Variants in FRMD4A observed in about 807,000 individuals in gnomAD.
FRMD4A encodes FERM domain-containing protein 4A.
A neutral mutation model predicts 129.1 loss-of-function variants in FRMD4A; 29 were observed. The ratio of observed to expected loss-of-function variants is 0.22; its 90% confidence interval spans 0.17 to 0.31. The LOEUF (loss-of-function observed/expected upper bound fraction) is 0.31. Ranked by LOEUF, FRMD4A falls within the 10% of genes least tolerant of loss-of-function variation. FRMD4A has a pLI of 1.00. For missense variants in FRMD4A, 1,272 were observed against 1,375.8 expected (o/e 0.92, Z 1.19); for synonymous variants, 634 against 571.6 (o/e 1.11, Z -1.56).
At chr10:13,989,391 C>G in intron 2 of FRMD4A, among the ~76,000 whole-genome samples, 2 of 152,230 alleles carry the variant, frequency 1.3e-5, no homozygotes, top group South Asian at 4.2e-4. Context: ...GCGCCTCGCT[C>G]TGTCGCCAGG....
chr10:14,313,561 G>T (rs1052340367), intron 2 of FRMD4A, among the ~76,000 whole-genome samples: 3 of 151,952 alleles, frequency 2.0e-5, no homozygotes, highest in Non-Finnish European at 4.4e-5. Context: ...AATGTTTTTT[G>T]TTTTTCTATT....
chr10:13,881,769 C>T lies in FRMD4A; in HGVS notation c.46-22857G>A, dbSNP rs368836210. Among the ~76,000 whole-genome samples, 23 of 151,938 alleles carry T rather than the reference C, an allele frequency of 1.5e-4. No homozygotes were observed. In the East Asian group the frequency reaches 3.1e-3, roughly 21 times the overall value. On this transcript the variant is annotated intron_variant, in intron 2 of 24. Transcript: ENST00000357447. ...AACAGGTCGTCACTGTCCATAGGAT[C>T]GAACTGCGACTGCCTTCCAGCACGC...
At chr10:14,185,547 T>A (rs780716646) in intron 2 of FRMD4A, among the ~76,000 whole-genome samples, 4 of 152,272 alleles carry the variant, frequency 2.6e-5, no homozygotes, top group African/African-American at 9.6e-5. Context: ...ACTTGAAACA[T>A]AAAGCAAGAC....
chr10:13,648,421 G>A (rs1197324305), intron 24 of FRMD4A, among the ~76,000 whole-genome samples: 1 of 152,122 alleles, frequency 6.6e-6, no homozygotes, highest in African/African-American at 2.4e-5. Flanking sequence ...GTTTTTCTTA[G>A]GGGGACAGTC....
At chr10:14,012,298 G>C (rs139394291) in intron 2 of FRMD4A, among the ~76,000 whole-genome samples, 533 of 152,278 alleles carry the variant, frequency 3.5e-3, no homozygotes, top group Non-Finnish European at 6.1e-3. Flanking sequence ...CACACTTAAG[G>C]CTGGCAAAGC....
intron 2 of FRMD4A, among the ~76,000 whole-genome samples, chr10:14,213,202 C>A (rs1356020455): frequency 6.6e-6 from 1 of 152,080 alleles, no homozygotes; most frequent in Non-Finnish European, 1.5e-5. Flanking sequence ...TATGATTGTG[C>A]CACCACACTC....
intron 16 of FRMD4A, among the ~76,000 whole-genome samples, chr10:13,673,060 T>C (rs2083652152): frequency 6.6e-6 from 1 of 152,218 alleles, no homozygotes; most frequent in Non-Finnish European, 1.5e-5. Context: ...ACATGTTCCT[T>C]ACCTTTTTGA....
At chr10:13,942,666 G>A (rs1169309597) in intron 2 of FRMD4A, among the ~76,000 whole-genome samples, 2 of 152,344 alleles carry the variant, frequency 1.3e-5, no homozygotes, top group South Asian at 4.1e-4. Context: ...CAGGCGTGGT[G>A]GCTCGCACCT....
intron 2 of FRMD4A, among the ~76,000 whole-genome samples, chr10:13,935,617 A>G (rs2095242986): frequency 6.6e-6 from 1 of 152,088 alleles, no homozygotes; most frequent in Non-Finnish European, 1.5e-5. Context: ...CATCTCTGAT[A>G]TTTATTTTTC....
chr10:14,220,352 CA>C (rs1465523945), intron 2 of FRMD4A, among the ~76,000 whole-genome samples: 2 of 152,158 alleles, frequency 1.3e-5, no homozygotes, highest in Non-Finnish European at 1.5e-5. Flanking sequence ...CATGCTCATT[CA>C]AAGATAAAAT....
intron 3 of FRMD4A, among the ~76,000 whole-genome samples, chr10:13,854,390 G>C (rs998905578): frequency 1.3e-5 from 2 of 152,032 alleles, no homozygotes; most frequent in African/African-American, 4.8e-5. Context: ...CTGCGATGAG[G>C]GTGGCTCCTC....
intron 2 of FRMD4A, among the ~76,000 whole-genome samples, chr10:14,229,619 T>C (rs1024688255): frequency 6.6e-6 from 1 of 152,046 alleles, no homozygotes; most frequent in Non-Finnish European, 1.5e-5. Context: ...TAAAAAAAGA[T>C]GTAGAGACAG....
In FRMD4A at chr10:13,645,501, G is replaced by A. The variant is rs2081068296; in HGVS notation, c.*1537C>T. The A allele has an allele frequency of 6.6e-6, 1 of 152,576 alleles. No homozygotes were observed. Among genetic ancestry groups the A allele is most frequent in the Admixed American group, 6.5e-5 (1 of 15,278 alleles). 9.5% of individuals were successfully genotyped at this position (152,576 alleles called of 1,614,324 possible). ...TTTTTGAGGCCTTTGAAGATTGATGGCTTTCCAGTTGTGTTTGAAGCATAG... is the reference window on the plus strand; with the variant it reads ...TTTTTGAGGCCTTTGAAGATTGATGACTTTCCAGTTGTGTTTGAAGCATAG... On this transcript the variant is annotated 3_prime_UTR_variant, in exon 25 of 25. Coordinates refer to ENST00000357447, the MANE Select transcript of FRMD4A (RefSeq NM_018027.5).
intron 7 of FRMD4A, 103 bp downstream of exon 7, chr10:13,762,521 C>T: frequency 4.3e-6 from 3 of 704,058 alleles, no homozygotes; most frequent in Non-Finnish European, 7.6e-6. Context: ...GGTAAGACGA[C>T]AAATAGTGAG....
At chr10:14,092,946 G>T (rs1836741126) in intron 2 of FRMD4A, among the ~76,000 whole-genome samples, 1 of 152,228 alleles carries the variant, frequency 6.6e-6, no homozygotes, top group African/African-American at 2.4e-5. Context: ...GTCCAGTCAT[G>T]AGGACTGAAG....
intron 2 of FRMD4A, among the ~76,000 whole-genome samples, chr10:14,328,574 C>G (rs552824328): frequency 6.6e-6 from 1 of 150,618 alleles, no homozygotes; most frequent in South Asian, 2.1e-4. Flanking sequence ...TATATTAACA[C>G]GATGCAGGAT....
chr10:14,044,220 C>T (rs1352092339), intron 2 of FRMD4A, among the ~76,000 whole-genome samples: 2 of 152,184 alleles, frequency 1.3e-5, no homozygotes, highest in East Asian at 1.9e-4. Flanking sequence ...TTCCTGTCGC[C>T]CCTTTACTTC....
intron 2 of FRMD4A, among the ~76,000 whole-genome samples, chr10:14,054,093 A>T (rs1426715326): frequency 6.6e-6 from 1 of 151,992 alleles, no homozygotes; most frequent in Non-Finnish European, 1.5e-5. Flanking sequence ...TGAGCCAAGG[A>T]ATTTGAGGCT....
intron 12 of FRMD4A, among the ~76,000 whole-genome samples, chr10:13,735,673 G>C (rs996440412): frequency 6.6e-6 from 1 of 152,202 alleles, no homozygotes; most frequent in Non-Finnish European, 1.5e-5. Context: ...AAAGCTTAGA[G>C]GGAGAAGAGA....
Sources: allele counts gnomAD v4.1 joint callset (sites outside exome capture counted in the v4.1 genomes callset), GRCh38; gene constraint gnomAD v4.1.1; transcripts MANE v1.5; gene names NCBI Gene and HGNC (gene_info 2026-07-23, HGNC 2026-07-21).